Variants in PID1 observed in about 807,000 individuals in gnomAD.
PID1 encodes the protein PTB-containing, cubilin and LRP1-interacting protein.
A neutral mutation model predicts 19.1 loss-of-function variants in PID1; 10 were observed. The observed-to-expected ratio is 0.52, with a 90% CI of 0.32 to 0.89. The LOEUF is 0.89. Ranked by LOEUF, PID1 falls within the 40% of genes least tolerant of loss-of-function variation. PID1 has a pLI of 0.03. For missense variants in PID1, 248 were observed against 285.3 expected, an observed-to-expected ratio of 0.87 and a Z score of 0.94; for synonymous variants, 130 against 116.0, an observed-to-expected ratio of 1.12 and a Z score of -0.78.
intron 2 of PID1, among the ~76,000 whole-genome samples, chr2:229,140,626 A>C (rs1054330200): frequency 8.5e-5 from 13 of 152,148 alleles, no homozygotes; most frequent in Non-Finnish European, 1.2e-4. Flanking sequence ...TATTAAAACT[A>C]TCAAAGCTAT....
intron 1 of PID1, among the ~76,000 whole-genome samples, chr2:229,172,826 G>A (rs1690737875): frequency 6.6e-6 from 1 of 152,066 alleles, no homozygotes; most frequent in Non-Finnish European, 1.5e-5. Flanking sequence ...CCACCTCCTG[G>A]GTTCGAGCAA....
chr2:229,039,477 A>G (rs368002897), intron 2 of PID1, among the ~76,000 whole-genome samples: 5 of 152,212 alleles, frequency 3.3e-5, no homozygotes, highest in African/African-American at 9.6e-5. Context: ...ATTTAAAATG[A>G]CAGTCTTTAA....
intron 2 of PID1, among the ~76,000 whole-genome samples, chr2:229,127,862 C>G (rs571072735): frequency 1.3e-5 from 2 of 152,160 alleles, no homozygotes; most frequent in African/African-American, 4.8e-5. Context: ...TGTAGGTGTT[C>G]CTATCTGTCT....
intron 1 of PID1, among the ~76,000 whole-genome samples, chr2:229,180,717 T>G (rs2106218275): frequency 6.6e-6 from 1 of 152,340 alleles, no homozygotes; most frequent in African/African-American, 2.4e-5. Flanking sequence ...TTTTAATGAC[T>G]TAACGGCTGA....
intron 2 of PID1, among the ~76,000 whole-genome samples, chr2:229,076,591 T>C (rs1437612316): frequency 6.6e-6 from 1 of 152,074 alleles, no homozygotes; most frequent in Non-Finnish European, 1.5e-5. Flanking sequence ...TCCCTCCCTG[T>C]GCCCATATGT....
intron 2 of PID1, among the ~76,000 whole-genome samples, chr2:229,061,587 G>T (rs1468430578): frequency 6.6e-6 from 1 of 151,696 alleles, no homozygotes; most frequent in Admixed American, 6.6e-5. Context: ...TTCACTATTT[G>T]GGGTGTTTTA....
chr2:229,128,930 G>A (rs1326224903), intron 2 of PID1, among the ~76,000 whole-genome samples: 1 of 152,118 alleles, frequency 6.6e-6, no homozygotes, highest in East Asian at 1.9e-4. Flanking sequence ...AATGCTCGAG[G>A]GGATGGATAC....
At chr2:229,149,205 G>A (rs370843704) in intron 2 of PID1, among the ~76,000 whole-genome samples, 3 of 152,178 alleles carry the variant, frequency 2.0e-5, no homozygotes, top group East Asian at 1.9e-4. Flanking sequence ...CTGTAGAGAT[G>A]CATGTGATGA....
intron 1 of PID1, among the ~76,000 whole-genome samples, chr2:229,242,200 C>T (rs899117440): frequency 6.6e-6 from 1 of 152,032 alleles, no homozygotes; most frequent in African/African-American, 2.4e-5. Context: ...AAGTCAGAGA[C>T]CTCTACCTCT....
intron 2 of PID1, among the ~76,000 whole-genome samples, chr2:229,092,663 A>C (rs897546683): frequency 6.6e-6 from 1 of 152,140 alleles, no homozygotes; most frequent in African/African-American, 2.4e-5. Flanking sequence ...AGAGCTTTTG[A>C]AGTCACAGGC....
intron 2 of PID1, among the ~76,000 whole-genome samples, chr2:229,026,663 T>C (rs1693431328): frequency 6.6e-6 from 1 of 152,248 alleles, no homozygotes; most frequent in Non-Finnish European, 1.5e-5. Flanking sequence ...TAAAGCATGA[T>C]AGTTTTCCTT....
At chr2:229,144,827 T>C (rs1690092660) in intron 2 of PID1, among the ~76,000 whole-genome samples, 1 of 152,090 alleles carries the variant, frequency 6.6e-6, no homozygotes, top group Admixed American at 6.6e-5. Context: ...AAAAATATTT[T>C]ATGTTTAGTT....
At chr2:229,189,602 C>A (rs1691212930) in intron 1 of PID1, among the ~76,000 whole-genome samples, 2 of 152,158 alleles carry the variant, frequency 1.3e-5, no homozygotes, top group African/African-American at 4.8e-5. Flanking sequence ...GAGGCAGAGG[C>A]AGGAGAATGG....
intron 1 of PID1, among the ~76,000 whole-genome samples, chr2:229,156,823 A>G (rs1382862783): frequency 6.6e-6 from 1 of 152,162 alleles, no homozygotes; most frequent in Non-Finnish European, 1.5e-5. Context: ...TCAAGGACCT[A>G]CTACCTCTCT....
At chr2:229,034,497 A>G (rs73998517) in intron 2 of PID1, among the ~76,000 whole-genome samples, 2,068 of 152,224 alleles carry the variant, frequency 0.014, 44 homozygotes, top group African/African-American at 0.046. Flanking sequence ...CACATTTGCC[A>G]CATCCCAACT....
intron 1 of PID1, among the ~76,000 whole-genome samples, chr2:229,211,295 C>A: frequency 6.6e-6 from 1 of 151,910 alleles, no homozygotes; most frequent in East Asian, 1.9e-4. Flanking sequence ...CCCACATGAT[C>A]TAATATGCCT....
intron 1 of PID1, among the ~76,000 whole-genome samples, chr2:229,260,510 G>C (rs1396785025): frequency 1.3e-5 from 2 of 150,904 alleles, no homozygotes; most frequent in African/African-American, 4.8e-5. Flanking sequence ...GCATGTGTGT[G>C]TGTGTATATA....
In PID1 at chr2:229,024,911, A is replaced by T. The variant is rs1276333980; in HGVS notation, c.*721T>A. 6.5e-6 allele frequency: 1 copy of T among 152,690 alleles called. No individual in the cohort carries two copies. 9.5% of individuals were successfully genotyped at this position (152,690 alleles called of 1,614,324 possible). ...GAGATTTCATCCCTCTAAGGATGTT[A>T]GAAGGGGAAAGAGGGTGGACAGGGC... On this transcript the variant is annotated 3_prime_UTR_variant, in exon 3 of 3. Transcript: ENST00000392055.
chr2:229,142,856 A>G (rs1377320930), intron 2 of PID1, among the ~76,000 whole-genome samples: 1 of 151,870 alleles, frequency 6.6e-6, no homozygotes, highest in African/African-American at 2.4e-5. Flanking sequence ...GTATATACCC[A>G]AAGGACTATA....
Sources: allele counts gnomAD v4.1 joint callset (sites outside exome capture counted in the v4.1 genomes callset), GRCh38; gene constraint gnomAD v4.1.1; transcripts MANE v1.5; gene names NCBI Gene and HGNC (gene_info 2026-07-23, HGNC 2026-07-21).